Variants in SMOC2 observed in about 807,000 individuals in gnomAD.
SMOC2 encodes SPARC related modular calcium binding 2.
In SMOC2, 39 loss-of-function variants were observed where a neutral mutation model predicts 61.4. The observed-to-expected ratio is 0.64, with a 90% CI of 0.49 to 0.83. SMOC2 has a LOEUF of 0.83. SMOC2 is among the 40% of genes least tolerant of loss of function. The pLI is 0.00. For synonymous variants in SMOC2, 247 were observed against 239.9 expected, an observed-to-expected ratio of 1.03 and a Z score of -0.27; for missense variants, 556 against 592.9, an observed-to-expected ratio of 0.94 and a Z score of 0.65.
Position 168,529,670 on chromosome 6 carries a change from G to T in SMOC2, c.463+1943G>T, listed in dbSNP as rs186745128. Among the ~76,000 whole-genome samples the T allele has an allele frequency of 2.4e-3, 361 of 152,358 alleles. 2 individuals are homozygous for T. Among genetic ancestry groups the T allele is most frequent in the African/African-American group, 8.3e-3 (347 of 41,586 alleles). On this transcript the variant is annotated intron_variant, in intron 4 of 12. Coordinates refer to ENST00000356284, the MANE Select transcript of SMOC2 (RefSeq NM_001166412.2). The stretch of plus-strand genomic sequence containing the variant: ...AAATTGTGGAGAGAATTTTGAAATT[G>T]AAGGGAGAATTATGGAGGCGAGAGG...
chr6:168,615,363 A>C (rs1193935737), intron 9 of SMOC2, among the ~76,000 whole-genome samples: 9 of 64,868 alleles, frequency 1.4e-4, no homozygotes, highest in African/African-American at 5.8e-4. Context: ...ACCTACAGCC[A>C]GCACAGGGGG....
intron 9 of SMOC2, 62 bp from the exon 10 acceptor site, chr6:168,650,619 T>C: frequency 6.7e-7 from 1 of 1,493,580 alleles, no homozygotes; most frequent in Non-Finnish European, 9.2e-7. Flanking sequence ...TTTCCCTGTA[T>C]TTTAGAGGAA....
At chr6:168,466,549 G>A (rs2115008663) in intron 1 of SMOC2, among the ~76,000 whole-genome samples, 1 of 152,348 alleles carries the variant, frequency 6.6e-6, no homozygotes, top group South Asian at 2.1e-4. Flanking sequence ...CAGGAGATGA[G>A]GAGGTCACTT....
chr6:168,485,107 A>G (rs536151022), intron 1 of SMOC2, among the ~76,000 whole-genome samples: 1 of 152,360 alleles, frequency 6.6e-6, no homozygotes, highest in South Asian at 2.1e-4. Flanking sequence ...ATTTTATGTT[A>G]TATGTATTTT....
intron 1 of SMOC2, among the ~76,000 whole-genome samples, chr6:168,473,836 C>CGT (rs1562546142): frequency 1.3e-5 from 2 of 151,954 alleles, no homozygotes; most frequent in Non-Finnish European, 2.9e-5. Context: ...TGGGTGTGAG[C>CGT]GTGTGTGTGA....
At chr6:168,495,778 C>T (rs1351559672) in intron 1 of SMOC2, among the ~76,000 whole-genome samples, 2 of 152,022 alleles carry the variant, frequency 1.3e-5, no homozygotes, top group Admixed American at 6.6e-5. Context: ...GCAGCCTCAC[C>T]CACCTGCAGG....
chr6:168,521,234 C>A (rs575981009), intron 2 of SMOC2, among the ~76,000 whole-genome samples: 3 of 152,230 alleles, frequency 2.0e-5, no homozygotes, highest in South Asian at 4.2e-4. Context: ...CTGCAACCTC[C>A]ACCTCCCAGG....
At chr6:168,658,385 G>A (rs1185346407) in intron 11 of SMOC2, among the ~76,000 whole-genome samples, 1 of 152,180 alleles carries the variant, frequency 6.6e-6, no homozygotes, top group Admixed American at 6.5e-5. Flanking sequence ...GATGGGTAGA[G>A]CCAAGTGTAG....
chr6:168,633,048 G>A (rs1786611187), intron 9 of SMOC2, among the ~76,000 whole-genome samples: 2 of 152,298 alleles, frequency 1.3e-5, no homozygotes, highest in South Asian at 4.1e-4. Flanking sequence ...TCTCTGTCAA[G>A]TGTTGATGAG....
At chr6:168,588,243 C>T (rs554258184) in intron 7 of SMOC2, among the ~76,000 whole-genome samples, 1 of 151,836 alleles carries the variant, frequency 6.6e-6, no homozygotes, top group Non-Finnish European at 1.5e-5. Flanking sequence ...CCTGTCTCGG[C>T]CCCCTGAGTA....
chr6:168,488,170 C>T (rs1782379981), intron 1 of SMOC2, among the ~76,000 whole-genome samples: 1 of 152,212 alleles, frequency 6.6e-6, no homozygotes, highest in Non-Finnish European at 1.5e-5. Flanking sequence ...GATTGCAGGC[C>T]TGCACTCTGG....
chr6:168,493,854 C>T (rs1469188383), intron 1 of SMOC2, among the ~76,000 whole-genome samples: 1 of 152,126 alleles, frequency 6.6e-6, no homozygotes, highest in Non-Finnish European at 1.5e-5. Context: ...TAGTTTTTAA[C>T]TGTCTTTATC....
At chr6:168,587,249 C>G (rs993981927) in intron 7 of SMOC2, among the ~76,000 whole-genome samples, 1 of 152,212 alleles carries the variant, frequency 6.6e-6, no homozygotes, top group Non-Finnish European at 1.5e-5. Context: ...CTTCCACTAA[C>G]TCCTCCCGCC....
At chr6:168,628,108 G>A (rs544634722) in intron 9 of SMOC2, among the ~76,000 whole-genome samples, 5 of 152,310 alleles carry the variant, frequency 3.3e-5, no homozygotes, top group South Asian at 2.1e-4. Flanking sequence ...CTCCCTGGGC[G>A]CGCCTGTGGC....
intron 4 of SMOC2, among the ~76,000 whole-genome samples, chr6:168,542,905 G>A (rs1282998789): frequency 6.6e-6 from 1 of 152,122 alleles, no homozygotes; most frequent in Admixed American, 6.5e-5. Context: ...TGTTTCCCCT[G>A]AGGAGTTTTA....
intron 9 of SMOC2, among the ~76,000 whole-genome samples, chr6:168,638,499 G>C (rs7761541): frequency 6.6e-6 from 1 of 152,122 alleles, no homozygotes; most frequent in Non-Finnish European, 1.5e-5. Context: ...GGTTTTAGCC[G>C]CAGAGCTGCT....
chr6:168,586,533 G>A (rs1785049794), intron 7 of SMOC2, among the ~76,000 whole-genome samples: 1 of 152,158 alleles, frequency 6.6e-6, no homozygotes, highest in Non-Finnish European at 1.5e-5. Context: ...AGCTTCCTAG[G>A]ATTTCGGTAG....
chr6:168,659,764 G>A (rs1787450158), intron 11 of SMOC2, among the ~76,000 whole-genome samples: 1 of 143,884 alleles, frequency 7.0e-6, no homozygotes, highest in African/African-American at 2.5e-5. Flanking sequence ...GTTGTAGGTT[G>A]GGTGAGGTTG....
intron 2 of SMOC2, among the ~76,000 whole-genome samples, chr6:168,522,287 C>G (rs1783346821): frequency 6.6e-6 from 1 of 152,146 alleles, no homozygotes; most frequent in Non-Finnish European, 1.5e-5. Context: ...AGCAGGCACT[C>G]CCTCCGTAAG....
Sources: allele counts gnomAD v4.1 joint callset (sites outside exome capture counted in the v4.1 genomes callset), GRCh38; gene constraint gnomAD v4.1.1; transcripts MANE v1.5; gene names NCBI Gene and HGNC (gene_info 2026-07-23, HGNC 2026-07-21).